FAT1: variants seen among roughly 807,000 people sequenced by gnomAD.
FAT1 encodes the protein FAT atypical cadherin 1.
FAT1 carries 171 observed loss-of-function variants against 329.8 expected under a neutral mutation model. The observed-to-expected ratio is 0.52, with a 90% CI of 0.46 to 0.59. The LOEUF (loss-of-function observed/expected upper bound fraction) is 0.59, where lower values mean the gene tolerates loss of function less well. Among genes scored for constraint, FAT1 ranks in the 20% least tolerant of loss-of-function variants. The probability of loss-of-function intolerance (pLI) is 0.00; values close to 1 mark genes in which losing one functional copy is unlikely to be tolerated. For missense variants in FAT1, 5,672 were observed against 5,774.4 expected (o/e 0.98, Z 0.57); for synonymous variants, 2,233 against 2,228.6 (o/e 1.00, Z -0.06).
chr4:186,667,532 T>G (rs1426163049), intron 2 of FAT1, among the ~76,000 whole-genome samples: 1 of 152,176 alleles, frequency 6.6e-6, no homozygotes, highest in African/African-American at 2.4e-5. Context: ...TTCGATGCAT[T>G]TTAATTATTA....
chr4:186,602,770 T>G (rs1203614966), intron 20 of FAT1, 133 bp downstream of exon 20: 4 of 1,010,024 alleles, frequency 4.0e-6, no homozygotes, highest in Non-Finnish European at 5.7e-6. Flanking sequence ...TCATTCTTTA[T>G]TCATCTCCAC....
At chr4:186,655,052 T>C (rs1741840344) in intron 3 of FAT1, among the ~76,000 whole-genome samples, 1 of 152,226 alleles carries the variant, frequency 6.6e-6, no homozygotes, top group Admixed American at 6.5e-5. Flanking sequence ...TTTTATGGTA[T>C]ATACATATTG....
chr4:186,588,129 T>TAAAAA lies in FAT1; in HGVS notation c.*458_*462dup. 4.9e-6 allele frequency: 1 copy of TAAAAA among 203,628 alleles called. No homozygotes were observed. The highest frequency in any genetic ancestry group is 9.9e-6 in the Non-Finnish European group (1 of 101,402). 12.6% of individuals were successfully genotyped at this position (203,628 alleles called of 1,614,324 possible). On this transcript the variant is annotated 3_prime_UTR_variant, in exon 27 of 27. Transcript: ENST00000441802. The stretch of plus-strand genomic sequence containing the variant: ...AGACAGAATGAAACCCTGGTTATAG[T>TAAAAA]AAAAAAAAAAAAATCAGGGTGCTAG...
chr4:186,655,769 T>C (rs910682176), intron 3 of FAT1, among the ~76,000 whole-genome samples: 1 of 152,214 alleles, frequency 6.6e-6, no homozygotes, highest in African/African-American at 2.4e-5. Context: ...AATACTGTTA[T>C]GGAAAAACCC....
At chr4:186,713,266 T>G (rs145260566) in intron 1 of FAT1, among the ~76,000 whole-genome samples, 51 of 152,248 alleles carry the variant, frequency 3.3e-4, no homozygotes, top group African/African-American at 1.0e-3. Context: ...CAGATTTTCC[T>G]TGCTTTTAAT....
chr4:186,644,849 G>A (rs964874318), intron 3 of FAT1, among the ~76,000 whole-genome samples: 2 of 152,214 alleles, frequency 1.3e-5, no homozygotes, highest in East Asian at 1.9e-4. Context: ...CACACAGCTG[G>A]AGCGATGAAT....
Position 186,606,220 on chromosome 4 carries a change from A to C in FAT1, c.10207-7T>G, listed in dbSNP as rs759454659. ...TGAGCGTGTAACCTGAAATCTTTTC[A>C]GGCAAAAGACAGAATGCACGTTCAT... On this transcript the variant is annotated splice_region_variant and splice_polypyrimidine_tract_variant and intron_variant, in intron 16 of 26. Transcript: ENST00000441802. 6.2e-7 allele frequency: 1 copy of C among 1,612,976 alleles called. No individual in the cohort carries two copies. The highest frequency in any genetic ancestry group is 1.3e-5 in the African/African-American group (1 of 74,782).
intron 7 of FAT1, among the ~76,000 whole-genome samples, chr4:186,629,536 G>A (rs1740487477): frequency 6.6e-6 from 1 of 152,204 alleles, no homozygotes; most frequent in Admixed American, 6.5e-5. Context: ...TGGCACAGCG[G>A]AAATCACTGC....
chr4:186,633,826 A>G lies in FAT1; in HGVS notation c.4184-3T>C, dbSNP rs1286275796. ...GAAGTGACTGTCGTAGTTGCCACCT[A>G]ATTTGGGGAAAAAAAAGTAAAAACA... On this transcript the variant is annotated splice_region_variant and splice_polypyrimidine_tract_variant and intron_variant, in intron 6 of 26. Coordinates refer to ENST00000441802, the MANE Select transcript of FAT1 (RefSeq NM_005245.4). The G allele has an allele frequency of 1.2e-6, 2 of 1,613,956 alleles. No homozygotes were observed. Among genetic ancestry groups the G allele is most frequent in the South Asian group, 2.2e-5 (2 of 91,082 alleles).
intron 17 of FAT1, among the ~76,000 whole-genome samples, 171 bp from the exon 18 acceptor site, chr4:186,604,745 A>G (rs997186911): frequency 6.6e-6 from 1 of 151,876 alleles, no homozygotes; most frequent in African/African-American, 2.4e-5. Flanking sequence ...GGTGAGGAGG[A>G]GGGAAAGGAG....
intron 2 of FAT1, among the ~76,000 whole-genome samples, chr4:186,674,689 C>A (rs1378113608): frequency 6.6e-6 from 1 of 152,126 alleles, no homozygotes; most frequent in African/African-American, 2.4e-5. Flanking sequence ...AAAAAAAATC[C>A]AACACTGCTC....
rs762068021 is a variant in FAT1 at position 186,621,318 on chromosome 4, C to T, written c.5268G>A (p.Gln1756=). 6.2e-6 allele frequency: 10 copies of T among 1,613,914 alleles called. No individual in the cohort carries two copies. The highest frequency in any genetic ancestry group is 7.6e-6 in the Non-Finnish European group (9 of 1,179,908). Residue 1756 remains glutamine, a synonymous_variant, in exon 10 of 27, where the codon CAG becomes CAA. Coordinates refer to ENST00000441802, the MANE Select transcript of FAT1 (RefSeq NM_005245.4). ...STNTTVLVHL[Q]DENDNAPVFM... is the part of the protein sequence containing the mutation. The stretch of plus-strand genomic sequence containing the variant: ...AAACTGGCGCGTTGTCATTCTCATC[C>T]TGCAAGTGAACTAGAACCGTTGTAT...
chr4:186,713,522 C>T (rs979289177), intron 1 of FAT1, among the ~76,000 whole-genome samples: 18 of 152,156 alleles, frequency 1.2e-4, no homozygotes, highest in Non-Finnish European at 2.9e-5. Flanking sequence ...GTTACTTTCA[C>T]CCCTCCCTGT....
Position 186,708,277 on chromosome 4 carries a change from AC to A in FAT1, c.1550del (p.Gly517ValfsTer3). 6.2e-7 allele frequency: 1 copy of A among 1,613,998 alleles called. No homozygotes were observed. Among genetic ancestry groups the A allele is most frequent in the Non-Finnish European group, 8.5e-7 (1 of 1,179,896 alleles). ...CCAGGTTTTCTGACGTACTCACGGC[AC>A]CAGTGAAATGGTCAATCGCAAACGG... ...HVPFAIDHFTGAVSTSENLDY... is the reference protein window; with the variant it reads ...HVPFAIDHFTXAVSTSENLDY... On this transcript the variant is annotated frameshift_variant, in exon 2 of 27. Transcript: ENST00000441802. LOFTEE classifies it high-confidence loss of function.
intron 2 of FAT1, among the ~76,000 whole-genome samples, chr4:186,689,808 C>T (rs1484738122): frequency 1.3e-5 from 2 of 152,212 alleles, no homozygotes; most frequent in Non-Finnish European, 2.9e-5. Context: ...CGACTCCGCA[C>T]ACCACCTCAC....
At chr4:186,622,269 T>G (rs943618660) in intron 9 of FAT1, among the ~76,000 whole-genome samples, 1 of 152,250 alleles carries the variant, frequency 6.6e-6, no homozygotes, top group Non-Finnish European at 1.5e-5. Context: ...TGGATAAATG[T>G]GTGTAACCCA....
chr4:186,707,795 C>T lies in FAT1; in HGVS notation c.2033G>A (p.Gly678Asp), dbSNP rs769784458. ...KLVNLQCEET[G>D]VAKMLAEKLL... ...CTTCTCTGCCAGCATTTTGGCAACA[C>T]CAGTCTCTTCACACTGCAAGTTTAC... The change falls in exon 2 of 27, where the codon GGT becomes GAT. Residue 678 changes from glycine to aspartate, a missense_variant. By Grantham distance (94) the Gly-to-Asp change is moderately conservative. Around this residue, in one of 2 missense-constraint regions of FAT1, gnomAD observed 3,966 missense variants for 3,915.2 expected, o/e 1.01. Coordinates refer to ENST00000441802, the MANE Select transcript of FAT1 (RefSeq NM_005245.4). The T allele has an allele frequency of 6.2e-7, 1 of 1,613,718 alleles. No homozygotes were observed. The highest frequency in any genetic ancestry group is 1.1e-5 in the South Asian group (1 of 91,076).
Position 186,600,189 on chromosome 4 carries a change from G to A in FAT1, c.11812C>T (p.Pro3938Ser), listed in dbSNP as rs747957574. The A allele has an allele frequency of 1.2e-6, 2 of 1,614,052 alleles. No individual in the cohort carries two copies. Among genetic ancestry groups the A allele is most frequent in the Non-Finnish European group, 1.7e-6 (2 of 1,179,910 alleles). The stretch of plus-strand genomic sequence containing the variant: ...AGGTTCAGGGTTTTCAGAGTCCCTG[G>A]GGCTGTGCCCGATGCAGTATGAACT... ...DQVHTASGTA[P>S]GTLKTLNLDN... The change falls in exon 22 of 27, where the codon CCA becomes TCA. Residue 3938 changes from proline (P) to serine (S), a missense_variant. By Grantham distance (74) the Pro-to-Ser change is moderately conservative. This residue lies in a region of FAT1 where 1,706 missense variants were observed against 1,859.1 expected (regional missense o/e 0.92). Transcript: ENST00000441802.
At chr4:186,661,333 C>T (rs984999914) in intron 3 of FAT1, among the ~76,000 whole-genome samples, 3 of 152,226 alleles carry the variant, frequency 2.0e-5, no homozygotes, top group African/African-American at 7.2e-5. Flanking sequence ...GAGGGTCCCG[C>T]TCCATATCCT....
Sources: allele counts gnomAD v4.1 joint callset (sites outside exome capture counted in the v4.1 genomes callset), GRCh38; gene constraint gnomAD v4.1.1; regional missense constraint gnomAD v4.1.1; transcripts MANE v1.5; gene names NCBI Gene and HGNC (gene_info 2026-07-23, HGNC 2026-07-21).